ACTR1B: variants seen among roughly 807,000 people sequenced by gnomAD.
The protein encoded by ACTR1B is beta-centractin.
Under a neutral mutation model 49.4 loss-of-function variants are expected in ACTR1B, and 34 were observed. That is an observed-to-expected ratio of 0.69 (90% CI 0.52 to 0.92). ACTR1B has a LOEUF of 0.92. ACTR1B is among the 40% of genes least tolerant of loss of function. ACTR1B has a pLI of 0.00. For missense variants in ACTR1B, 471 were observed against 522.4 expected, an observed-to-expected ratio of 0.90 and a Z score of 0.96; for synonymous variants, 207 against 207.8, an observed-to-expected ratio of 1.00 and a Z score of 0.03.
intron 1 of ACTR1B, among the ~76,000 whole-genome samples, chr2:97,662,463 T>G (rs943063910): frequency 1.3e-5 from 2 of 150,248 alleles, no homozygotes; most frequent in Non-Finnish European, 3.0e-5. Flanking sequence ...GCATGGAACA[T>G]GGACGACCTA....
chr2:97,659,879 C>G lies in ACTR1B; in HGVS notation c.190-402G>C. The G allele has an allele frequency of 3.5e-6, 1 of 287,452 alleles. No individual in the cohort carries two copies. The highest frequency in any genetic ancestry group is 9.2e-5 in the East Asian group (1 of 10,864). The allele number at this position is 287,452 out of a possible 1,614,324, so 17.8% of individuals were successfully genotyped here. A position where few individuals can be genotyped will look rare whatever the true frequency, so the allele number is the denominator to read the frequency against. ...TCCTGGGCCACCTGTGCCCCCTGAC[C>G]TACGCCTCTCCCCCCAGCCCTTTGG... On this transcript the variant is annotated intron_variant, in intron 3 of 10. Coordinates refer to ENST00000289228, the MANE Select transcript of ACTR1B (RefSeq NM_005735.4). This position sits in a 1 kb window ranked among gnomAD's most constrained non-coding sequence, Gnocchi z 4.0.
intron 1 of ACTR1B, among the ~76,000 whole-genome samples, chr2:97,663,616 G>A (rs1249185243): frequency 1.3e-5 from 2 of 151,960 alleles, no homozygotes; most frequent in African/African-American, 2.4e-5. Context: ...GACTCGGGGA[G>A]GGGTCGGGGA....
intron 1 of ACTR1B, 77 bp downstream of exon 1, chr2:97,663,766 C>G: frequency 3.1e-6 from 3 of 968,556 alleles, no homozygotes; most frequent in Non-Finnish European, 4.0e-6. Context: ...CCGAGGCGGG[C>G]GGGGGTCTCT....
intron 3 of ACTR1B, 86 bp downstream of exon 3, chr2:97,660,485 G>T: frequency 7.2e-7 from 1 of 1,380,070 alleles, no homozygotes; most frequent in Non-Finnish European, 1.0e-6. Context: ...TACCCGGGAG[G>T]TCACCAGCAG....
At chr2:97,663,466 C>T (rs557939138) in intron 1 of ACTR1B, among the ~76,000 whole-genome samples, 2 of 152,226 alleles carry the variant, frequency 1.3e-5, no homozygotes, top group Non-Finnish European at 2.9e-5. Context: ...GCCAGGCAGC[C>T]AGAGCCAGGG....
rs1674878662 is a variant in ACTR1B, at chr2:97,657,603, G to C, written c.926-94C>G. 3 of 1,283,324 alleles carry C rather than the reference G, an allele frequency of 2.3e-6. No individual in the cohort carries two copies. In the Admixed American group the frequency reaches 5.1e-5, roughly 22 times the overall value. 79.5% of individuals were successfully genotyped at this position (1,283,324 alleles called of 1,614,324 possible). ...GCCTTCAGGGCCCCCAGCTACTGCTGGTCCTCTATCAGCAGCTCTTCCCAG... is the reference window on the plus strand; with the variant it reads ...GCCTTCAGGGCCCCCAGCTACTGCTCGTCCTCTATCAGCAGCTCTTCCCAG... On this transcript the variant is annotated intron_variant, in intron 8 of 10. Transcript: ENST00000289228.
intron 1 of ACTR1B, 81 bp from the exon 2 acceptor site, chr2:97,662,027 C>T (rs1263493338): frequency 1.4e-6 from 2 of 1,427,692 alleles, no homozygotes; most frequent in Admixed American, 4.0e-5. Flanking sequence ...AGCTGGCTGC[C>T]CCGTCAAGGC....
rs1432108303 is a variant in ACTR1B, at chr2:97,662,001, C to A, written c.49-55G>T. ...ACATGCACCACCAGATGAAGCCAGT[C>A]CCCCGCAATGGAGAGAGCTGGCTGC... On this transcript the variant is annotated intron_variant, in intron 1 of 10. Coordinates refer to ENST00000289228, the MANE Select transcript of ACTR1B (RefSeq NM_005735.4). 7 of 1,533,752 alleles carry A rather than the reference C, an allele frequency of 4.6e-6. No individual in the cohort carries two copies. The East Asian group carries it at 1.7e-4, about 37-fold the overall frequency.
rs991829686 is a variant in ACTR1B at position 97,660,438 on chromosome 2, C to A, written c.189+133G>T. Reference sequence around the variant, plus strand: ...GCTGCCCCATCTCAGGGGGAGGTGCCCCTGCACAGCACTTCCCAGCTGGAG... The same window carrying A: ...GCTGCCCCATCTCAGGGGGAGGTGCACCTGCACAGCACTTCCCAGCTGGAG... On this transcript the variant is annotated intron_variant, in intron 3 of 10. Coordinates refer to ENST00000289228, the MANE Select transcript of ACTR1B (RefSeq NM_005735.4). 1.1e-4 allele frequency: 91 copies of A among 833,340 alleles called. No individual in the cohort carries two copies. The highest frequency in any genetic ancestry group is 5.4e-4 in the Admixed American group (26 of 48,166). 51.6% of individuals were successfully genotyped at this position (833,340 alleles called of 1,614,324 possible).
Position 97,659,386 on chromosome 2 carries a change from T to G in ACTR1B, c.281A>C (p.Tyr94Ser). 6.2e-7 allele frequency: 1 copy of G among 1,613,640 alleles called. No individual in the cohort carries two copies. Among genetic ancestry groups the G allele is most frequent in the South Asian group, 1.1e-5 (1 of 91,068 alleles). The change falls in exon 4 of 11, where the codon TAC becomes TCC. Residue 94 changes from tyrosine to serine, a missense_variant. Physicochemically the swap from Tyr to Ser is moderately radical, Grantham distance 144 (BLOSUM62 -2). Coordinates refer to ENST00000289228, the MANE Select transcript of ACTR1B (RefSeq NM_005735.4). The surrounding 1 kb of genome is among the most constrained non-coding windows in gnomAD (Gnocchi z 4.0). ...GAAGGTCTGCAGCTGATCCTTGGAG[T>G]AGACGTACTGCCAGATGCGTTCCAT... ...NDMERIWQYVYSKDQLQTFSE... is the reference protein window; with the variant it reads ...NDMERIWQYVSSKDQLQTFSE...
At chr2:97,657,234 C>T in intron 9 of ACTR1B, 42 bp from the exon 10 acceptor site, 1 of 1,605,014 alleles carries the variant, frequency 6.2e-7, no homozygotes, top group Non-Finnish European at 8.5e-7. Context: ...GATCCCCACC[C>T]AGAAGCCATC....
rs1045040131 is a variant in ACTR1B, at chr2:97,656,137, C to G, written c.*721G>C. ...GTCCCCCACCCCCTTTTAGGTCTGA[C>G]TCCTTATTAAGTGGCTTCCCCTCAA... On this transcript the variant is annotated 3_prime_UTR_variant, in exon 11 of 11. Transcript: ENST00000289228. 2.6e-5 allele frequency: 4 copies of G among 152,254 alleles called. No individual in the cohort carries two copies. Among genetic ancestry groups the G allele is most frequent in the African/African-American group, 9.6e-5 (4 of 41,458 alleles). The allele number at this position is 152,254 out of a possible 1,614,324, so 9.4% of individuals were successfully genotyped here. A position where few individuals can be genotyped will look rare whatever the true frequency, so the allele number is the denominator to read the frequency against.
rs13452 is a variant in ACTR1B at position 97,656,399 on chromosome 2, G to C, written c.*459C>G. 1 of 212,188 alleles carries C rather than the reference G, an allele frequency of 4.7e-6. No homozygotes were observed. Among genetic ancestry groups the C allele is most frequent in the Non-Finnish European group, 9.6e-6 (1 of 103,888 alleles). 13.1% of individuals were successfully genotyped at this position (212,188 alleles called of 1,614,324 possible). Reference sequence around the variant, plus strand: ...AAGATAGGAGGACAGAGTGTGAAAGGGGCTGTGTCACCCTGTCAGGTCACG... The same window carrying C: ...AAGATAGGAGGACAGAGTGTGAAAGCGGCTGTGTCACCCTGTCAGGTCACG... On this transcript the variant is annotated 3_prime_UTR_variant, in exon 11 of 11. Coordinates refer to ENST00000289228, the MANE Select transcript of ACTR1B (RefSeq NM_005735.4).
chr2:97,657,062 C>T, intron 10 of ACTR1B, 90 bp downstream of exon 10: 1 of 1,587,014 alleles, frequency 6.3e-7, no homozygotes, highest in African/African-American at 1.3e-5. Flanking sequence ...GGGAAATCCA[C>T]CCACCTCCAC....
In ACTR1B at chr2:97,659,240, C is replaced by T. The variant is rs768870450; in HGVS notation, c.315+112G>A. 1.6e-5 allele frequency: 25 copies of T among 1,531,568 alleles called. No homozygotes were observed. The highest frequency in any genetic ancestry group is 2.2e-5 in the Non-Finnish European group (25 of 1,126,976). 94.9% of individuals were successfully genotyped at this position (1,531,568 alleles called of 1,614,324 possible). On this transcript the variant is annotated intron_variant, in intron 4 of 10. Coordinates refer to ENST00000289228, the MANE Select transcript of ACTR1B (RefSeq NM_005735.4). This position sits in a 1 kb window ranked among gnomAD's most constrained non-coding sequence, Gnocchi z 4.0. ...CACCCAGACACACACGGAAAGGCAG[C>T]AGGCCCTCTAGAAATGTAGAAGGGA... is the stretch of plus-strand genomic sequence containing the variant.
chr2:97,661,842 T>G, intron 2 of ACTR1B, 40 bp downstream of exon 2: 1 of 1,556,334 alleles, frequency 6.4e-7, no homozygotes, highest in East Asian at 2.3e-5. Flanking sequence ...TTACAGAAGG[T>G]AAACAAAAGG....
In ACTR1B at chr2:97,659,122, A is replaced by C. The variant is rs1040777235; in HGVS notation, c.316-119T>G. 30 of 1,519,342 alleles carry C rather than the reference A, an allele frequency of 2.0e-5. No homozygotes were observed. Among genetic ancestry groups the C allele is most frequent in the Middle Eastern group, 3.7e-4 (2 of 5,360 alleles). 94.1% of individuals were successfully genotyped at this position (1,519,342 alleles called of 1,614,324 possible). On this transcript the variant is annotated intron_variant, in intron 4 of 10. Transcript: ENST00000289228. The surrounding 1 kb of genome is among the most constrained non-coding windows in gnomAD (Gnocchi z 4.0). ...GCAGCTCAGCCTCCTACCCCTCCTGAGGGCCCCATCCCTTTATCTGCTGGC... is the reference window on the plus strand; with the variant it reads ...GCAGCTCAGCCTCCTACCCCTCCTGCGGGCCCCATCCCTTTATCTGCTGGC...
rs963917175 is a variant in ACTR1B at position 97,659,129 on chromosome 2, C to T, written c.316-126G>A. On this transcript the variant is annotated intron_variant, in intron 4 of 10. Transcript: ENST00000289228. The surrounding 1 kb of genome is among the most constrained non-coding windows in gnomAD (Gnocchi z 4.0). ...AGCCTCCTACCCCTCCTGAGGGCCC[C>T]ATCCCTTTATCTGCTGGCAGTTACT... The T allele has an allele frequency of 7.3e-6, 11 of 1,496,760 alleles. No homozygotes were observed. In the African/African-American group the frequency reaches 1.4e-4, roughly 19 times the overall value. The allele number at this position is 1,496,760 out of a possible 1,614,324, so 92.7% of individuals were successfully genotyped here. A position where few individuals can be genotyped will look rare whatever the true frequency, so the allele number is the denominator to read the frequency against.
Position 97,656,955 on chromosome 2 carries a change from G to A in ACTR1B, c.1034C>T (p.Ser345Phe). 6.3e-7 allele frequency: 1 copy of A among 1,592,924 alleles called. No individual in the cohort carries two copies. The highest frequency in any genetic ancestry group is 1.7e-4 in the Middle Eastern group (1 of 6,016). The change falls in exon 11 of 11, where the codon TCC becomes TTC. Residue 345 changes from serine to phenylalanine, a missense_variant. Ser to Phe is a radical substitution (Grantham distance 155). Transcript: ENST00000289228. ...ERLYSTWIGGSILASLDTFKK... is the reference protein window; with the variant it reads ...ERLYSTWIGGFILASLDTFKK... ...AAAAGTGTCCAGCGAGGCCAGGATG[G>A]AGCCGCTGTGGGGATGGAGGGATAG...
Sources: allele counts gnomAD v4.1 joint callset (sites outside exome capture counted in the v4.1 genomes callset), GRCh38; gene constraint gnomAD v4.1.1; non-coding constraint Gnocchi (gnomAD v3.1); transcripts MANE v1.5; gene names NCBI Gene and HGNC (gene_info 2026-07-23, HGNC 2026-07-21).